RAB6B: variants seen among roughly 807,000 people sequenced by gnomAD.
RAB6B encodes the protein ras-related protein Rab-6B.
Under a neutral mutation model 31.2 loss-of-function variants are expected in RAB6B, and 7 were observed. The ratio of observed to expected loss-of-function variants is 0.22; its 90% CI spans 0.13 to 0.42. RAB6B has a LOEUF of 0.42. RAB6B is among the 10% of genes least tolerant of loss of function. The pLI is 1.00. For missense variants in RAB6B, 149 were observed against 280.6 expected, an observed-to-expected ratio of 0.53 and a Z score of 3.35; for synonymous variants, 105 against 104.9, an observed-to-expected ratio of 1.00 and a Z score of -0.01.
Position 133,889,093 on chromosome 3 carries a change from A to G in RAB6B, c.70+6304T>C, listed in dbSNP as rs570574257. Among the ~76,000 whole-genome samples the G allele has an allele frequency of 7.9e-5, 12 of 152,132 alleles. No individual in the cohort carries two copies. The South Asian group carries it at 2.5e-3, about 32-fold the overall frequency. ...GAATGTTTATGAATTCTGCTGTTCTACCTAGCCTTCTGTCACCTTCCCCAG... is the reference window on the plus strand; with the variant it reads ...GAATGTTTATGAATTCTGCTGTTCTGCCTAGCCTTCTGTCACCTTCCCCAG... On this transcript the variant is annotated intron_variant, in intron 1 of 7. Transcript: ENST00000285208.
chr3:133,884,930 A>T (rs962177525), intron 1 of RAB6B, among the ~76,000 whole-genome samples: 1 of 97,836 alleles, frequency 1.0e-5, no homozygotes, highest in Admixed American at 1.3e-4. Flanking sequence ...CAATAACCAG[A>T]GGATGGGGGG....
Position 133,826,933 on chromosome 3 carries a change from C to A in RAB6B, c.*1855G>T, listed in dbSNP as rs1935574367. The A allele has an allele frequency of 6.6e-6, 1 of 152,576 alleles. No homozygotes were observed. The highest frequency in any genetic ancestry group is 6.5e-5 in the Admixed American group (1 of 15,288). 9.5% of individuals were successfully genotyped at this position (152,576 alleles called of 1,614,324 possible). On this transcript the variant is annotated 3_prime_UTR_variant, in exon 8 of 8. Coordinates refer to ENST00000285208, the MANE Select transcript of RAB6B (RefSeq NM_016577.4). Reference sequence around the variant, plus strand: ...GGAAGGTGTATACACAAGTCTATCTCTATATATAATTATGTACACACATAT... The same window carrying A: ...GGAAGGTGTATACACAAGTCTATCTATATATATAATTATGTACACACATAT...
At chr3:133,877,153 AC>A (rs1429607649) in intron 1 of RAB6B, among the ~76,000 whole-genome samples, 1 of 152,180 alleles carries the variant, frequency 6.6e-6, no homozygotes, top group Non-Finnish European at 1.5e-5. Context: ...CCCACTGGAA[AC>A]CCTAGGTTGA....
intron 1 of RAB6B, among the ~76,000 whole-genome samples, chr3:133,871,256 A>G (rs1033662241): frequency 2.6e-5 from 4 of 152,172 alleles, no homozygotes; most frequent in African/African-American, 2.4e-5. Flanking sequence ...AAATACTAAA[A>G]TGCCAGGCAA....
chr3:133,881,507 G>A (rs1393589013), intron 1 of RAB6B, among the ~76,000 whole-genome samples: 1 of 152,260 alleles, frequency 6.6e-6, no homozygotes, highest in African/African-American at 2.4e-5. Context: ...CCAAGGAGCA[G>A]CAGAGAGTGA....
At chr3:133,846,561 C>T (rs895259968) in intron 2 of RAB6B, among the ~76,000 whole-genome samples, 12 of 152,170 alleles carry the variant, frequency 7.9e-5, no homozygotes, top group African/African-American at 2.7e-4. Flanking sequence ...TTAGAAACAT[C>T]AACCCACAGT....
intron 1 of RAB6B, among the ~76,000 whole-genome samples, chr3:133,869,602 T>C (rs1205740242): frequency 6.6e-6 from 1 of 152,208 alleles, no homozygotes; most frequent in Admixed American, 6.5e-5. Flanking sequence ...AATCTAACCC[T>C]GACATTCCAT....
chr3:133,862,511 A>T (rs1275510797), intron 2 of RAB6B, among the ~76,000 whole-genome samples: 2 of 152,236 alleles, frequency 1.3e-5, no homozygotes, highest in Non-Finnish European at 2.9e-5. Context: ...TGCTCAGACC[A>T]AACATGTGCT....
At position 133,825,436 on chromosome 3, in the gene RAB6B, A is replaced by G. The variant is rs1019771536; in HGVS notation, c.*3352T>C. On this transcript the variant is annotated 3_prime_UTR_variant, in exon 8 of 8. Transcript: ENST00000285208. ...GCCATTGCTCCCCTCAGACCTGGGA[A>G]CATGACTGAATGTTTAAGGATGACA... 2 of 152,236 alleles carry G rather than the reference A, an allele frequency of 1.3e-5. No individual in the cohort carries two copies. The highest frequency in any genetic ancestry group is 2.9e-5 in the Non-Finnish European group (2 of 68,044). 9.4% of individuals were successfully genotyped at this position (152,236 alleles called of 1,614,324 possible).
chr3:133,864,006 C>G (rs112709489), intron 2 of RAB6B, among the ~76,000 whole-genome samples: 14 of 152,278 alleles, frequency 9.2e-5, no homozygotes, highest in African/African-American at 2.6e-4. Flanking sequence ...TGACCCCAGA[C>G]TACGCCTCCA....
In RAB6B at chr3:133,841,680, C is replaced by T; in HGVS notation, c.130-17G>A. 1 of 1,613,540 alleles carries T rather than the reference C, an allele frequency of 6.2e-7. No individual in the cohort carries two copies. Among genetic ancestry groups the T allele is most frequent in the Non-Finnish European group, 8.5e-7 (1 of 1,179,768 alleles). On this transcript the variant is annotated splice_polypyrimidine_tract_variant and intron_variant, in intron 2 of 7. Coordinates refer to ENST00000285208, the MANE Select transcript of RAB6B (RefSeq NM_016577.4). ...AATGGTTGCCTGTTAGAGAAAAGCA[C>T]AGAACGGTCAAAATCAAAAGGTCTC...
At chr3:133,882,176 C>T (rs1304823778) in intron 1 of RAB6B, among the ~76,000 whole-genome samples, 1 of 152,186 alleles carries the variant, frequency 6.6e-6, no homozygotes, top group African/African-American at 2.4e-5. Context: ...TCCCTTGCCA[C>T]GTGACCCCCT....
intron 1 of RAB6B, among the ~76,000 whole-genome samples, chr3:133,882,110 T>C (rs914775736): frequency 2.0e-5 from 3 of 152,178 alleles, no homozygotes; most frequent in African/African-American, 7.2e-5. Context: ...TTTGGTTCCT[T>C]GTGGTTGTAG....
intron 1 of RAB6B, among the ~76,000 whole-genome samples, chr3:133,867,360 T>G (rs913690425): frequency 1.3e-5 from 2 of 152,138 alleles, no homozygotes; most frequent in African/African-American, 4.8e-5. Flanking sequence ...ATGAGAACAG[T>G]AAACAGAGGA....
intron 1 of RAB6B, among the ~76,000 whole-genome samples, chr3:133,882,579 C>T (rs776853493): frequency 4.6e-5 from 7 of 152,214 alleles, no homozygotes; most frequent in Admixed American, 1.3e-4. Flanking sequence ...GAGACTAAAG[C>T]GCTCCTAGCT....
chr3:133,835,285 ATGTG>A (rs1171927182), intron 6 of RAB6B, among the ~76,000 whole-genome samples: 1 of 151,990 alleles, frequency 6.6e-6, no homozygotes, highest in African/African-American at 2.4e-5. Context: ...TGCGTGGAAA[ATGTG>A]TGTGTTGTGA....
intron 1 of RAB6B, among the ~76,000 whole-genome samples, chr3:133,876,568 A>G (rs1367125508): frequency 6.6e-6 from 1 of 152,236 alleles, no homozygotes; most frequent in Non-Finnish European, 1.5e-5. Flanking sequence ...ATCTTGAAAA[A>G]TCTTCCCTAA....
intron 2 of RAB6B, among the ~76,000 whole-genome samples, chr3:133,851,778 G>T (rs749004458): frequency 6.6e-6 from 1 of 152,202 alleles, no homozygotes; most frequent in Non-Finnish European, 1.5e-5. Context: ...TAGCAAGTCA[G>T]CGAGGTCACA....
At chr3:133,874,962 T>C (rs1217892897) in intron 1 of RAB6B, among the ~76,000 whole-genome samples, 1 of 152,202 alleles carries the variant, frequency 6.6e-6, no homozygotes, top group African/African-American at 2.4e-5. Context: ...CACGGCGCTG[T>C]CATTTCCTGT....
Sources: allele counts gnomAD v4.1 joint callset (sites outside exome capture counted in the v4.1 genomes callset), GRCh38; gene constraint gnomAD v4.1.1; transcripts MANE v1.5; gene names NCBI Gene and HGNC (gene_info 2026-07-23, HGNC 2026-07-21).